Variants in CCDC146 observed in about 807,000 individuals in gnomAD.
CCDC146 encodes the protein coiled-coil domain-containing protein 146.
CCDC146 carries 92 observed loss-of-function variants against 119.3 expected under a neutral mutation model. The ratio of observed to expected loss-of-function variants is 0.77; its 90% CI spans 0.65 to 0.92. The LOEUF (loss-of-function observed/expected upper bound fraction) is 0.92, where lower values mean the gene tolerates loss of function less well. Ranked by LOEUF, CCDC146 falls within the 40% of genes least tolerant of loss-of-function variation. The pLI is 0.00. For missense variants in CCDC146, 1,000 were observed against 1,103.0 expected (o/e 0.91, Z 1.32); for synonymous variants, 372 against 371.8 (o/e 1.00, Z -0.01).
intron 2 of CCDC146, among the ~76,000 whole-genome samples, chr7:77,208,342 C>T (rs1051828615): frequency 5.3e-5 from 8 of 152,154 alleles, no homozygotes; most frequent in African/African-American, 1.9e-4. Flanking sequence ...TACACTTAAA[C>T]CTAGATGGTA....
intron 1 of CCDC146, among the ~76,000 whole-genome samples, chr7:77,146,287 T>G (rs564290374): frequency 1.5e-4 from 23 of 152,242 alleles, no homozygotes; most frequent in African/African-American, 5.5e-4. Context: ...CTCCATCTCT[T>G]TATTTTGAGC....
chr7:77,271,565 T>C (rs1196204279), intron 9 of CCDC146, among the ~76,000 whole-genome samples: 1 of 61,262 alleles, frequency 1.6e-5, no homozygotes, highest in Non-Finnish European at 3.4e-5. Flanking sequence ...TATATATATA[T>C]ATATGGAGAT....
intron 2 of CCDC146, among the ~76,000 whole-genome samples, chr7:77,173,245 C>T (rs1451313500): frequency 1.4e-4 from 21 of 152,040 alleles, no homozygotes; most frequent in Admixed American, 6.6e-5. Flanking sequence ...TCCCCACTGA[C>T]ATTATGATCA....
At chr7:77,267,265 T>C (rs1209989622) in intron 9 of CCDC146, among the ~76,000 whole-genome samples, 2 of 152,110 alleles carry the variant, frequency 1.3e-5, no homozygotes, top group African/African-American at 2.4e-5. Context: ...AGTGCTGGGA[T>C]TACAGGTGTG....
chr7:77,215,327 T>C (rs756546104), intron 2 of CCDC146, among the ~76,000 whole-genome samples: 4 of 152,168 alleles, frequency 2.6e-5, no homozygotes, highest in Admixed American at 6.5e-5. Context: ...TGACTCCAAA[T>C]CCCTTTGACA....
At chr7:77,148,722 A>C (rs1450037319) in intron 1 of CCDC146, among the ~76,000 whole-genome samples, 2 of 152,162 alleles carry the variant, frequency 1.3e-5, no homozygotes, top group African/African-American at 2.4e-5. Context: ...GTAAACTCCC[A>C]TTCACAATTG....
chr7:77,196,114 T>G lies in CCDC146; in HGVS notation c.156+28290T>G, dbSNP rs1316834197. On this transcript the variant is annotated intron_variant, in intron 2 of 18. Transcript: ENST00000285871. This position sits in a 1 kb window ranked among gnomAD's most constrained non-coding sequence, Gnocchi z 4.2. ...ATAACAACAAAGGACTCCTTTAAAA[T>G]GCATTGTTTTTCAGCTTTATTTCAA... is the stretch of plus-strand genomic sequence containing the variant. The G allele has an allele frequency of 1.7e-6, 1 of 588,846 alleles. No homozygotes were observed. Among genetic ancestry groups the G allele is most frequent in the Middle Eastern group, 4.4e-4 (1 of 2,298 alleles). The allele number at this position is 588,846 out of a possible 1,614,324, so 36.5% of individuals were successfully genotyped here. A position where few individuals can be genotyped will look rare whatever the true frequency, so the allele number is the denominator to read the frequency against.
At chr7:77,247,862 T>C (rs894182228) in intron 4 of CCDC146, among the ~76,000 whole-genome samples, 1 of 152,204 alleles carries the variant, frequency 6.6e-6, no homozygotes, top group African/African-American at 2.4e-5. Context: ...ACAAGCTCTA[T>C]GGAAAACAGC....
chr7:77,282,643 A>G lies in CCDC146; in HGVS notation c.2006A>G (p.Glu669Gly), dbSNP rs1793784715. Reference sequence around the variant, plus strand: ...CAAGAGAAGATGAAACTAAATGGAGAAATTGAAATACATCTACTGGAAGAA... The same window carrying G: ...CAAGAGAAGATGAAACTAAATGGAGGAATTGAAATACATCTACTGGAAGAA... ...NIQEKMKLNG[E>G]IEIHLLEEKI... The change falls in exon 15 of 19, where the codon GAA becomes GGA. Residue 669 changes from glutamate to glycine, a missense_variant. Glu to Gly is a moderately conservative substitution (Grantham distance 98). Coordinates refer to ENST00000285871, the MANE Select transcript of CCDC146 (RefSeq NM_020879.3). 1.2e-6 allele frequency: 2 copies of G among 1,611,952 alleles called. No homozygotes were observed. The highest frequency in any genetic ancestry group is 2.7e-5 in the African/African-American group (2 of 74,898).
intron 9 of CCDC146, among the ~76,000 whole-genome samples, chr7:77,269,893 T>A (rs1793477660): frequency 6.6e-6 from 1 of 152,026 alleles, no homozygotes; most frequent in African/African-American, 2.4e-5. Context: ...AAAACAGGAG[T>A]GGGTCAGGCC....
intron 2 of CCDC146, among the ~76,000 whole-genome samples, chr7:77,226,161 A>G (rs1046283332): frequency 3.9e-5 from 6 of 152,244 alleles, no homozygotes; most frequent in African/African-American, 9.6e-5. Context: ...TGAGAGCTCA[A>G]TGCATTTGGA....
At chr7:77,210,972 G>T (rs1440485720) in intron 2 of CCDC146, among the ~76,000 whole-genome samples, 1 of 152,144 alleles carries the variant, frequency 6.6e-6, no homozygotes, top group East Asian at 1.9e-4. Context: ...CAACAGTGGG[G>T]ATTACAATTC....
At chr7:77,208,829 T>C (rs184344804) in intron 2 of CCDC146, among the ~76,000 whole-genome samples, 81 of 152,252 alleles carry the variant, frequency 5.3e-4, no homozygotes, top group Non-Finnish European at 9.4e-4. Flanking sequence ...CACCTCAGCT[T>C]CCCAAGTAGC....
chr7:77,133,652 C>CCTT (rs1554345434), intron 1 of CCDC146, among the ~76,000 whole-genome samples: 74 of 137,828 alleles, frequency 5.4e-4, no homozygotes, highest in Middle Eastern at 3.7e-3. Context: ...CCTGGAACAC[C>CCTT]TTTTTTTTTT....
intron 2 of CCDC146, among the ~76,000 whole-genome samples, chr7:77,215,236 T>A (rs1182178050): frequency 6.6e-6 from 1 of 150,856 alleles, no homozygotes. Context: ...TACTTAAACA[T>A]AGTTATTCCC....
intron 2 of CCDC146, among the ~76,000 whole-genome samples, chr7:77,231,653 C>T (rs1792630117): frequency 6.6e-6 from 1 of 152,028 alleles, no homozygotes. Flanking sequence ...TTAAAAATTT[C>T]TTCTTACTGA....
chr7:77,149,716 G>A lies in CCDC146; in HGVS notation c.-11-17942G>A, dbSNP rs576199271. Among the ~76,000 whole-genome samples, 6 of 151,464 alleles carry A rather than the reference G, an allele frequency of 4.0e-5. No homozygotes were observed. The South Asian group carries it at 1.3e-3, about 32-fold the overall frequency. ...GGAAGCAGAGGTTGCAGTGAGCCCC[G>A]AGATTGTGTCACTGCACTCCAGCCT... On this transcript the variant is annotated intron_variant, in intron 1 of 18. Transcript: ENST00000285871.
At chr7:77,148,007 G>A (rs1562815635) in intron 1 of CCDC146, among the ~76,000 whole-genome samples, 1 of 152,222 alleles carries the variant, frequency 6.6e-6, no homozygotes, top group Non-Finnish European at 1.5e-5. Flanking sequence ...TGCCCCTAGA[G>A]GTGGAGCCTA....
chr7:77,182,486 T>C (rs1480696153), intron 2 of CCDC146, among the ~76,000 whole-genome samples: 8 of 152,098 alleles, frequency 5.3e-5, no homozygotes, highest in Admixed American at 5.2e-4. Context: ...TAAAATAGAT[T>C]TGAGGCCAGG....
Sources: gnomAD v4.1 joint callset for allele counts (sites outside exome capture counted in the v4.1 genomes callset) on GRCh38, gnomAD v4.1.1 for gene constraint, Gnocchi (gnomAD v3.1) non-coding constraint, MANE v1.5 for transcripts, NCBI Gene and HGNC (gene_info 2026-07-23, HGNC 2026-07-21) for gene names.